Variants in DNASE1 observed in about 807,000 individuals in gnomAD.
DNASE1 encodes the protein deoxyribonuclease 1, also known as deoxyribonuclease-1.
Under a neutral mutation model 33.9 loss-of-function variants are expected in DNASE1, and 40 were observed. The ratio of observed to expected loss-of-function variants is 1.18; its 90% CI spans 0.92 to 1.54. The LOEUF (loss-of-function observed/expected upper bound fraction) is 1.54, where lower values mean the gene tolerates loss of function less well. DNASE1 is among the 40% of genes most tolerant of loss of function. DNASE1 has a pLI of 0.00. For synonymous variants in DNASE1, 216 were observed against 160.0 expected, an observed-to-expected ratio of 1.35 and a Z score of -2.64; for missense variants, 518 against 372.6, an observed-to-expected ratio of 1.39 and a Z score of -3.21.
At chr16:3,658,228 T>C (rs1479750100), downstream of DNASE1, 1 of 1,613,222 alleles carries the variant, frequency 6.2e-7, no homozygotes. Context: ...CGTTCTCGTA[T>C]ATCTGAAAGG....
upstream of DNASE1, among the ~76,000 whole-genome samples, chr16:3,638,589 C>T (rs910430340): frequency 4.6e-5 from 7 of 152,214 alleles, no homozygotes; most frequent in Non-Finnish European, 8.8e-5. Flanking sequence ...CCGCCTGCCT[C>T]GGCCTCCCAA....
chr16:3,655,120 A>C, intron 1 of DNASE1, 76 bp downstream of exon 1: 1 of 600,958 alleles, frequency 1.7e-6, no homozygotes, highest in Non-Finnish European at 2.9e-6. Context: ...CTCATCCTCC[A>C]GCAGCGAGTG....
rs1203755178 is a variant in DNASE1 at position 3,656,148 on chromosome 16, CG to C, written c.285del (p.Asn96ThrfsTer68). On this transcript the variant is annotated frameshift_variant, in exon 4 of 9. Coordinates refer to ENST00000246949, the MANE Select transcript of DNASE1 (RefSeq NM_005223.4). LOFTEE classifies it high-confidence loss of function. ...YHYVVSEPLG[R>X]NSYKERYLFV... ...CTACGTGGTCAGTGAGCCACTGGGACGGAACAGCTATAAGGAGCGCTACCTG... is the reference window on the plus strand; with the variant it reads ...CTACGTGGTCAGTGAGCCACTGGGACGAACAGCTATAAGGAGCGCTACCTG... 6.2e-7 allele frequency: 1 copy of C among 1,613,950 alleles called. No homozygotes were observed. Among genetic ancestry groups the C allele is most frequent in the African/African-American group, 1.3e-5 (1 of 74,908 alleles).
In DNASE1 at chr16:3,655,188, C is replaced by T. The variant is rs568888077; in HGVS notation, c.-2+144C>T. On this transcript the variant is annotated intron_variant, in intron 1 of 8. Transcript: ENST00000246949. Reference sequence around the variant, plus strand: ...TTTTCTGGTGGATGGAGGAGTGACTCGGGGTCCTCTACGTGGTGCCAGCTG... The same window carrying T: ...TTTTCTGGTGGATGGAGGAGTGACTTGGGGTCCTCTACGTGGTGCCAGCTG... 1.6e-4 allele frequency: 125 copies of T among 761,006 alleles called. 1 individual carries two copies. In the Admixed American group the frequency reaches 2.6e-3, roughly 16 times the overall value. The allele number at this position is 761,006 out of a possible 1,614,324, so 47.1% of individuals were successfully genotyped here.
chr16:3,653,763 T>TGCC (rs1378400057), upstream of DNASE1: 1 of 125,922 alleles, frequency 7.9e-6, no homozygotes, highest in African/African-American at 3.1e-5. Context: ...GCCGAGATAG[T>TGCC]ATTACTGCAC....
At chr16:3,616,801 A>T (rs987528818) in intron 1 of DNASE1, among the ~76,000 whole-genome samples, 3 of 151,786 alleles carry the variant, frequency 2.0e-5, no homozygotes, top group Non-Finnish European at 4.4e-5. Context: ...GGATAGACAT[A>T]TGGGTCAGTG....
At chr16:3,664,089 A>C (rs905485990) in exon 10 of DNASE1, 16 of 608,998 alleles carry the variant, frequency 2.6e-5, no homozygotes, top group East Asian at 1.9e-4. Flanking sequence ...AACAAAAAAA[A>C]CCACATGTGA....
rs553416183 is a variant in DNASE1 at position 3,644,030 on chromosome 16, C to A, written c.-86+994C>A. On this transcript the variant is annotated intron_variant, in intron 1 of 9. Transcript: ENST00000407479. ...TGCTGGCATTATAGGCGTCAGCCAC[C>A]GTGCCCGGCCAAGCACAGCTATTTT... is the stretch of plus-strand genomic sequence containing the variant. 2.8e-4 allele frequency among the ~76,000 whole-genome samples: 43 copies of A among 152,240 alleles called. 2 individuals carry two copies. The South Asian group carries it at 6.2e-3, about 22-fold the overall frequency.
upstream of DNASE1, among the ~76,000 whole-genome samples, chr16:3,640,335 G>A (rs780455091): frequency 1.2e-4 from 19 of 152,186 alleles, no homozygotes; most frequent in Non-Finnish European, 2.6e-4. Flanking sequence ...ACTCTGCCCT[G>A]CAAATAGCAG....
At position 3,657,331 on chromosome 16, in the gene DNASE1, G is replaced by A; in HGVS notation, c.694G>A (p.Ala232Thr). ...CACCACAGCTACACCCACGCACTGT[G>A]CCTATGACAGGTGAGCAGGGCCTCG... ...ADTTATPTHCAYDRIVVAGML... is the reference protein window; with the variant it reads ...ADTTATPTHCTYDRIVVAGML... Residue 232 changes from alanine (A) to threonine (T), a missense_variant, in exon 7 of 9, where the codon GCC (alanine) becomes ACC (threonine). Ala to Thr is a moderately conservative substitution (Grantham distance 58). Transcript: ENST00000246949. 1.9e-6 allele frequency: 3 copies of A among 1,613,262 alleles called. No homozygotes were observed. In the South Asian group the frequency reaches 3.3e-5, roughly 18 times the overall value.
At chr16:3,663,076 G>C, downstream of DNASE1, 7 of 837,298 alleles carry the variant, frequency 8.4e-6, no homozygotes, top group Non-Finnish European at 1.8e-6. Context: ...CACCAGGATG[G>C]AGACACAAGC....
intron 1 of DNASE1, among the ~76,000 whole-genome samples, chr16:3,637,750 T>A (rs759845723): frequency 2.6e-5 from 4 of 152,150 alleles, no homozygotes; most frequent in Non-Finnish European, 4.4e-5. Flanking sequence ...ATCTTGACTG[T>A]GAGAGTCTGG....
intron 1 of DNASE1, among the ~76,000 whole-genome samples, chr16:3,648,435 G>A (rs967660974): frequency 2.0e-5 from 3 of 151,994 alleles, no homozygotes; most frequent in East Asian, 1.9e-4. Context: ...GGTGGCGGGC[G>A]CCTGTAGTCC....
chr16:3,655,461 A>G lies in DNASE1; in HGVS notation c.88A>G (p.Ile30Val). ...GTCCCTGAAGATCGCAGCCTTCAACATCCAGACATTTGGGGAGACCAAGAT... is the reference window on the plus strand; with the variant it reads ...GTCCCTGAAGATCGCAGCCTTCAACGTCCAGACATTTGGGGAGACCAAGAT... Reference protein sequence around the residue: ...AVSLKIAAFNIQTFGETKMSN... With the variant: ...AVSLKIAAFNVQTFGETKMSN... The change falls in exon 2 of 9, where the codon ATC (isoleucine) becomes GTC (valine). Residue 30 changes from isoleucine to valine, a missense_variant. Physicochemically the swap from Ile to Val is conservative, Grantham distance 29 (BLOSUM62 3). Coordinates refer to ENST00000246949, the MANE Select transcript of DNASE1 (RefSeq NM_005223.4). The G allele has an allele frequency of 6.2e-7, 1 of 1,614,168 alleles. No individual in the cohort carries two copies. Among genetic ancestry groups the G allele is most frequent in the Non-Finnish European group, 8.5e-7 (1 of 1,180,038 alleles).
chr16:3,616,300 C>T (rs1228377762), intron 1 of DNASE1, among the ~76,000 whole-genome samples: 2 of 152,118 alleles, frequency 1.3e-5, no homozygotes, highest in African/African-American at 4.8e-5. Flanking sequence ...AATTTTTTTG[C>T]AGAAGTGGAA....
At chr16:3,646,494 G>A (rs879777170) in intron 1 of DNASE1, among the ~76,000 whole-genome samples, 4 of 152,056 alleles carry the variant, frequency 2.6e-5, no homozygotes, top group Admixed American at 1.3e-4. Flanking sequence ...GCCATGGCGG[G>A]TGTAGGGGTT....
At chr16:3,663,233 G>A (rs2050728703) in exon 10 of DNASE1, 1 of 753,176 alleles carries the variant, frequency 1.3e-6, no homozygotes, top group South Asian at 1.9e-5. Context: ...CAGGAGCACT[G>A]GACAGACCCC....
chr16:3,621,044 C>A (rs1333203365), intron 1 of DNASE1, among the ~76,000 whole-genome samples: 2 of 151,964 alleles, frequency 1.3e-5, no homozygotes, highest in Non-Finnish European at 1.5e-5. Flanking sequence ...GTGATCCACC[C>A]GCCTCAGCCT....
At chr16:3,625,151 C>T (rs563570798) in intron 1 of DNASE1, among the ~76,000 whole-genome samples, 6 of 152,134 alleles carry the variant, frequency 3.9e-5, no homozygotes, top group African/African-American at 1.4e-4. Flanking sequence ...TACTAAAATA[C>T]AAAAGTTAGC....
Sources: allele counts gnomAD v4.1 joint callset (sites outside exome capture counted in the v4.1 genomes callset), GRCh38; gene constraint gnomAD v4.1.1; transcripts MANE v1.5; gene names NCBI Gene and HGNC (gene_info 2026-07-23, HGNC 2026-07-21).